PML: variants seen among roughly 807,000 people sequenced by gnomAD.
The protein encoded by PML is PML nuclear body scaffold.
In PML, 28 loss-of-function variants were observed where a neutral mutation model predicts 65.2. The observed-to-expected ratio is 0.43, with a 90% CI of 0.32 to 0.59. The LOEUF is 0.59. Among genes scored for constraint, PML ranks in the 20% least tolerant of loss-of-function variants. The pLI is 0.08. For missense variants in PML, 1,021 were observed against 1,203.4 expected (o/e 0.85, Z 2.24); for synonymous variants, 500 against 508.8 (o/e 0.98, Z 0.23).
In PML at chr15:74,037,659, G is replaced by A. The variant is rs990893520; in HGVS notation, c.1710+3129G>A. 50 of 985,206 alleles carry A rather than the reference G, an allele frequency of 5.1e-5. No homozygotes were observed. Among genetic ancestry groups the A allele is most frequent in the African/African-American group, 7.0e-5 (4 of 57,188 alleles). 61.0% of individuals were successfully genotyped at this position (985,206 alleles called of 1,614,324 possible). On this transcript the variant is annotated intron_variant, in intron 7 of 8. Transcript: ENST00000268058. This position sits in a 1 kb window ranked among gnomAD's most constrained non-coding sequence, Gnocchi z 4.2. ...TCTAGGTGCAGTGTCGCGTTTAGTC[G>A]TTATTATTCTTGACCGGCGCTGGGC...
chr15:74,031,310 T>C (rs1356119312), intron 4 of PML: 1 of 432,906 alleles, frequency 2.3e-6, no homozygotes, highest in Non-Finnish European at 4.6e-6. Flanking sequence ...AGTCTCACTC[T>C]GTGCCCCAGG....
Position 74,047,728 on chromosome 15 carries a change from T to C in PML, c.*2720T>C, listed in dbSNP as rs1174548519. The C allele has an allele frequency of 5.2e-6, 1 of 190,796 alleles. No homozygotes were observed. Among genetic ancestry groups the C allele is most frequent in the Non-Finnish European group, 1.1e-5 (1 of 91,110 alleles). 11.8% of individuals were successfully genotyped at this position (190,796 alleles called of 1,614,324 possible). A position where few individuals can be genotyped will look rare whatever the true frequency, so the allele number is the denominator to read the frequency against. Reference sequence around the variant, plus strand: ...TGTGTGAAGATAGCTTTTTGGTATATTTTAAAAGTGCACAAATTTAAGATC... The same window carrying C: ...TGTGTGAAGATAGCTTTTTGGTATACTTTAAAAGTGCACAAATTTAAGATC... On this transcript the variant is annotated 3_prime_UTR_variant, in exon 9 of 9. Coordinates refer to ENST00000268058, the MANE Select transcript of PML (RefSeq NM_033238.3).
At position 74,046,683 on chromosome 15, in the gene PML, C is replaced by T. The variant is rs1321489336; in HGVS notation, c.*1675C>T. On this transcript the variant is annotated 3_prime_UTR_variant, in exon 9 of 9. Transcript: ENST00000268058. ...GACTGGGCCCACTGATTTCCAGCCC[C>T]ACCATGTGTGCTGTTTTCAGATGTG... 8.6e-6 allele frequency: 2 copies of T among 232,718 alleles called. No homozygotes were observed. The highest frequency in any genetic ancestry group is 4.4e-5 in the African/African-American group (2 of 45,296). 14.4% of individuals were successfully genotyped at this position (232,718 alleles called of 1,614,324 possible). A position where few individuals can be genotyped will look rare whatever the true frequency, so the allele number is the denominator to read the frequency against.
intron 2 of PML, among the ~76,000 whole-genome samples, chr15:74,006,786 A>G (rs545162217): frequency 6.6e-6 from 1 of 152,288 alleles, no homozygotes; most frequent in African/African-American, 2.4e-5. Context: ...GGTTTTACTC[A>G]TGGCGGAAGG....
Position 73,998,242 on chromosome 15 carries a change from T to C in PML, c.368T>C (p.Val123Ala), listed in dbSNP as rs2069596817. 3 of 1,614,062 alleles carry C rather than the reference T, an allele frequency of 1.9e-6. No homozygotes were observed. The African/African-American group carries it at 4.0e-5, about 22-fold the overall frequency. The change falls in exon 2 of 9, where the codon GTG (valine) becomes GCG (alanine). Residue 123 changes from valine to alanine, a missense_variant. Physicochemically the swap from Val to Ala is moderately conservative, Grantham distance 64. Coordinates refer to ENST00000268058, the MANE Select transcript of PML (RefSeq NM_033238.3). Reference sequence around the variant, plus strand: ...CGCCTGTCGGTGTACCGGCAGATTGTGGATGCGCAGGCTGTGTGCACCCGC... The same window carrying C: ...CGCCTGTCGGTGTACCGGCAGATTGCGGATGCGCAGGCTGTGTGCACCCGC... ...QRRLSVYRQI[V>A]DAQAVCTRCK...
At position 74,037,692 on chromosome 15, in the gene PML, T is replaced by C. The variant is rs1429259765; in HGVS notation, c.1710+3162T>C. ...TCTTGACCGGCGCTGGGCCCGGTCT[T>C]TCCTGGAAAGATCGCCTGCTCGGAT... is the stretch of plus-strand genomic sequence containing the variant. On this transcript the variant is annotated intron_variant, in intron 7 of 8. Transcript: ENST00000268058. This position sits in a 1 kb window ranked among gnomAD's most constrained non-coding sequence, Gnocchi z 4.2. The C allele has an allele frequency of 1.0e-5, 10 of 985,318 alleles. No individual in the cohort carries two copies. The African/African-American group carries it at 1.7e-4, about 17-fold the overall frequency. The allele number at this position is 985,318 out of a possible 1,614,324, so 61.0% of individuals were successfully genotyped here. A position where few individuals can be genotyped will look rare whatever the true frequency, so the allele number is the denominator to read the frequency against.
In PML at chr15:74,046,572, A is replaced by G; in HGVS notation, c.*1564A>G. The G allele has an allele frequency of 4.3e-6, 1 of 232,656 alleles. No homozygotes were observed. Among genetic ancestry groups the G allele is most frequent in the Non-Finnish European group, 8.5e-6 (1 of 117,640 alleles). 14.4% of individuals were successfully genotyped at this position (232,656 alleles called of 1,614,324 possible). A position where few individuals can be genotyped will look rare whatever the true frequency, so the allele number is the denominator to read the frequency against. ...CAGTGAATTTTGATGCATTTAAAAT[A>G]AGATTCTGATGCCAGACTGTTAAAA... is the stretch of plus-strand genomic sequence containing the variant. On this transcript the variant is annotated 3_prime_UTR_variant, in exon 9 of 9. Transcript: ENST00000268058.
chr15:74,010,965 TTAGTAGC>T (rs1167514752), intron 2 of PML, among the ~76,000 whole-genome samples: 1 of 152,188 alleles, frequency 6.6e-6, no homozygotes, highest in Admixed American at 6.5e-5. Context: ...GTTTTTTTAG[TTAGTAGC>T]TTAAGCAAAA....
Position 74,044,505 on chromosome 15 carries a change from G to A in PML, c.2146G>A (p.Glu716Lys). Residue 716 changes from glutamate (E) to lysine (K), a missense_variant, in exon 9 of 9, where the codon GAG becomes AAG. Transcript: ENST00000268058. ...GFLAALPLIR[E>K]RVPGASSFKL... is the part of the protein sequence containing the mutation. ...CCTGGCTGCCCTGCCTCTCATCCGG[G>A]AGCGTGTGCCCGGGGCCAGCAGCTT... The A allele has an allele frequency of 6.2e-7, 1 of 1,614,138 alleles. No individual in the cohort carries two copies.
intron 7 of PML, chr15:74,034,739 G>A (rs2141877604): frequency 1.3e-6 from 2 of 1,489,714 alleles, no homozygotes; most frequent in South Asian, 2.7e-5. Context: ...CCAGGGCCAG[G>A]AGCTCTTCTG....
In PML at chr15:74,043,681, G is replaced by A. The variant is rs2071738140; in HGVS notation, c.1862-540G>A. ...AGCCCCAGGCCCTACCCTGTGGCATGGACTCAACATTGGGGCTAGCCCAGC... is the reference window on the plus strand; with the variant it reads ...AGCCCCAGGCCCTACCCTGTGGCATAGACTCAACATTGGGGCTAGCCCAGC... On this transcript the variant is annotated intron_variant, in intron 8 of 8. Transcript: ENST00000268058. This position sits in a 1 kb window ranked among gnomAD's most constrained non-coding sequence, Gnocchi z 4.3. 3.8e-6 allele frequency: 2 copies of A among 531,180 alleles called. No individual in the cohort carries two copies. The highest frequency in any genetic ancestry group is 1.9e-5 in the Admixed American group (1 of 51,680). 32.9% of individuals were successfully genotyped at this position (531,180 alleles called of 1,614,324 possible).
intron 2 of PML, among the ~76,000 whole-genome samples, chr15:74,011,330 A>C (rs187572918): frequency 6.6e-6 from 1 of 152,220 alleles, no homozygotes; most frequent in Non-Finnish European, 1.5e-5. Context: ...CCTGAGTCAT[A>C]TGCTCCCCCA....
At chr15:74,038,924 C>G (rs749698194) in intron 7 of PML, among the ~76,000 whole-genome samples, 13 of 152,176 alleles carry the variant, frequency 8.5e-5, no homozygotes, top group Non-Finnish European at 1.6e-4. Flanking sequence ...AGTGAGTCCC[C>G]CAGGCCTGGT....
chr15:74,018,763 T>C (rs951904748), intron 2 of PML, among the ~76,000 whole-genome samples: 8 of 152,266 alleles, frequency 5.3e-5, no homozygotes, highest in Non-Finnish European at 1.0e-4. Flanking sequence ...TTATGTAATC[T>C]AGCCACTTTG....
At chr15:74,008,238 G>A (rs531965710) in intron 2 of PML, among the ~76,000 whole-genome samples, 2 of 152,362 alleles carry the variant, frequency 1.3e-5, no homozygotes, top group East Asian at 1.9e-4. Flanking sequence ...GCAATAGAAG[G>A]TTGATGTGAG....
chr15:74,032,715 G>A lies in PML; in HGVS notation c.1398G>A (p.Glu466=). 6.2e-7 allele frequency: 1 copy of A among 1,614,122 alleles called. No homozygotes were observed. Among genetic ancestry groups the A allele is most frequent in the Non-Finnish European group, 8.5e-7 (1 of 1,179,936 alleles). ...CCATCAAAGGCCCTTCCTATGGAGA[G>A]GTAAGGTTCTCCCCAGCCCCAGCCT... ...AFSIKGPSYG[E]DVSNTTTAQK... The change falls in exon 5 of 9, where the codon GAG becomes GAA. Residue 466 remains glutamate (E), a splice_region_variant and synonymous_variant. Transcript: ENST00000268058.
At position 74,044,929 on chromosome 15, in the gene PML, C is replaced by T. The variant is rs756426423; in HGVS notation, c.2570C>T (p.Pro857Leu). ...GTYFEGLLEG[P>L]ALARAEGVST... Reference sequence around the variant, plus strand: ...TACTTTGAAGGCCTGTTGGAGGGTCCGGCGCTGGCACGGGCAGAAGGAGTC... The same window carrying T: ...TACTTTGAAGGCCTGTTGGAGGGTCTGGCGCTGGCACGGGCAGAAGGAGTC... Residue 857 changes from proline (P) to leucine (L), a missense_variant, in exon 9 of 9, where the codon CCG becomes CTG. Pro to Leu is a moderately conservative substitution (Grantham distance 98). Transcript: ENST00000268058. 2.2e-5 allele frequency: 35 copies of T among 1,613,264 alleles called. No individual in the cohort carries two copies. Among genetic ancestry groups the T allele is most frequent in the Non-Finnish European group, 2.6e-5 (31 of 1,179,994 alleles).
At position 74,035,934 on chromosome 15, in the gene PML, C is replaced by T. The variant is rs773258021; in HGVS notation, c.1710+1404C>T. The T allele has an allele frequency of 1.1e-5, 18 of 1,613,880 alleles. No individual in the cohort carries two copies. In the Admixed American group the frequency reaches 2.7e-4, roughly 24 times the overall value. Reference sequence around the variant, plus strand: ...CCCCATCAGCCCAGTCCCAGGCGCCCGTCAAGCAGGCCTCTGAGAGTGCTA... The same window carrying T: ...CCCCATCAGCCCAGTCCCAGGCGCCTGTCAAGCAGGCCTCTGAGAGTGCTA... On this transcript the variant is annotated intron_variant, in intron 7 of 8. Coordinates refer to ENST00000268058, the MANE Select transcript of PML (RefSeq NM_033238.3). This position sits in a 1 kb window ranked among gnomAD's most constrained non-coding sequence, Gnocchi z 4.1.
chr15:74,033,114 C>T, intron 5 of PML, 42 bp from the exon 6 acceptor site: 1 of 1,611,880 alleles, frequency 6.2e-7, no homozygotes, highest in East Asian at 2.2e-5. Context: ...CCCACTCACC[C>T]CTGCAGGCAC....
Sources: allele counts gnomAD v4.1 joint callset (sites outside exome capture counted in the v4.1 genomes callset), GRCh38; gene constraint gnomAD v4.1.1; non-coding constraint Gnocchi (gnomAD v3.1); transcripts MANE v1.5; gene names NCBI Gene and HGNC (gene_info 2026-07-23, HGNC 2026-07-21).